Variants in ANTXR1 observed in about 807,000 individuals in gnomAD.
The protein encoded by ANTXR1 is ANTXR cell adhesion molecule 1.
ANTXR1 carries 19 observed loss-of-function variants against 78.1 expected under a neutral mutation model. The ratio of observed to expected loss-of-function variants is 0.24; its 90% CI spans 0.17 to 0.36. The LOEUF is 0.36. Ranked by LOEUF, ANTXR1 falls within the 10% of genes least tolerant of loss-of-function variation. ANTXR1 has a pLI of 1.00. For synonymous variants in ANTXR1, 273 were observed against 260.5 expected (o/e 1.05, Z -0.46); for missense variants, 518 against 718.6 (o/e 0.72, Z 3.19).
intron 17 of ANTXR1, among the ~76,000 whole-genome samples, chr2:69,244,058 C>T (rs192371263): frequency 8.5e-5 from 13 of 152,334 alleles, no homozygotes; most frequent in African/African-American, 2.9e-4. Flanking sequence ...GTCTCCCCTC[C>T]GTTGCAGAGC....
chr2:69,212,260 G>A (rs762355637), intron 17 of ANTXR1, among the ~76,000 whole-genome samples: 1 of 152,204 alleles, frequency 6.6e-6, no homozygotes, highest in African/African-American at 2.4e-5. Context: ...GAGAAAACCA[G>A]GGAGGTGACA....
intron 17 of ANTXR1, among the ~76,000 whole-genome samples, chr2:69,226,992 C>T (rs1394211783): frequency 2.0e-5 from 3 of 152,122 alleles, no homozygotes; most frequent in Non-Finnish European, 2.9e-5. Context: ...TGAAGCATTT[C>T]GTGCACCATG....
chr2:69,239,988 C>T (rs1448150949), intron 17 of ANTXR1, among the ~76,000 whole-genome samples: 2 of 152,240 alleles, frequency 1.3e-5, no homozygotes, highest in Non-Finnish European at 2.9e-5. Context: ...GTAACATTAA[C>T]CTTTCAAGTG....
chr2:69,104,225 C>T (rs1199351730), intron 10 of ANTXR1, among the ~76,000 whole-genome samples: 1 of 152,182 alleles, frequency 6.6e-6, no homozygotes, highest in Non-Finnish European at 1.5e-5. Flanking sequence ...AGGTGTGAGC[C>T]ACCACACCCA....
intron 3 of ANTXR1, among the ~76,000 whole-genome samples, chr2:69,046,948 T>C (rs1669786775): frequency 6.6e-6 from 1 of 152,150 alleles, no homozygotes; most frequent in South Asian, 2.1e-4. Context: ...TCAGCAAAAG[T>C]TTTGGGTAAA....
intron 12 of ANTXR1, among the ~76,000 whole-genome samples, 192 bp downstream of exon 12, chr2:69,124,835 C>G (rs910760223): frequency 6.6e-6 from 1 of 152,166 alleles, no homozygotes; most frequent in Non-Finnish European, 1.5e-5. Flanking sequence ...CAGAGTGTAT[C>G]AGGCATGTCT....
intron 8 of ANTXR1, among the ~76,000 whole-genome samples, chr2:69,083,134 A>G (rs768282874): frequency 3.9e-5 from 6 of 152,114 alleles, no homozygotes; most frequent in Admixed American, 3.3e-4. Context: ...GGCCCTAACA[A>G]AGCTGTGATA....
chr2:69,167,984 G>C (rs140324684), intron 13 of ANTXR1, among the ~76,000 whole-genome samples: 23 of 152,328 alleles, frequency 1.5e-4, no homozygotes, highest in African/African-American at 4.1e-4. Flanking sequence ...GTTGGTCTGA[G>C]TGTTGGGCCA....
In ANTXR1 at chr2:69,067,245, G is replaced by A. The variant is rs562870382; in HGVS notation, c.297-3402G>A. On this transcript the variant is annotated intron_variant, in intron 3 of 17. Transcript: ENST00000303714. ...CTCGCAACTAGTGAGTTCATATCTT[G>A]CCAGATACAAAGCATCAAGGATAAG... 9.3e-5 allele frequency among the ~76,000 whole-genome samples: 14 copies of A among 150,470 alleles called. 1 individual carries two copies. In the South Asian group the frequency reaches 2.3e-3, roughly 25 times the overall value.
chr2:69,074,879 G>A (rs1355195832), intron 6 of ANTXR1, among the ~76,000 whole-genome samples: 5 of 152,130 alleles, frequency 3.3e-5, no homozygotes, highest in African/African-American at 1.2e-4. Flanking sequence ...TGAAACACAG[G>A]AGAATCTGGA....
At chr2:69,218,223 G>A (rs2104507062) in intron 17 of ANTXR1, among the ~76,000 whole-genome samples, 1 of 152,232 alleles carries the variant, frequency 6.6e-6, no homozygotes, top group South Asian at 2.1e-4. Context: ...AAATTAAGCT[G>A]GCAAGATTCA....
intron 6 of ANTXR1, 71 bp from the exon 7 acceptor site, chr2:69,075,519 G>A: frequency 5.6e-6 from 8 of 1,436,036 alleles, no homozygotes; most frequent in Non-Finnish European, 7.9e-6. Flanking sequence ...ATTGAAGTTA[G>A]TCAGGTAGCT....
chr2:69,086,044 T>C (rs1022661180), intron 8 of ANTXR1, among the ~76,000 whole-genome samples: 2 of 152,166 alleles, frequency 1.3e-5, no homozygotes, highest in Non-Finnish European at 2.9e-5. Flanking sequence ...TTCTGAAATA[T>C]GTGTGAAAGC....
At chr2:69,234,436 T>C (rs1573995246) in intron 17 of ANTXR1, among the ~76,000 whole-genome samples, 1 of 152,210 alleles carries the variant, frequency 6.6e-6, no homozygotes, top group African/African-American at 2.4e-5. Context: ...TTCCAGATGA[T>C]AATAGTTAAC....
chr2:69,184,747 GTA>G (rs1212835172), intron 16 of ANTXR1, among the ~76,000 whole-genome samples: 2 of 152,192 alleles, frequency 1.3e-5, no homozygotes, highest in African/African-American at 4.8e-5. Flanking sequence ...CTTGGAATTA[GTA>G]TCAATTCAGT....
At chr2:69,019,976 A>T (rs1043429581) in intron 1 of ANTXR1, among the ~76,000 whole-genome samples, 1 of 152,354 alleles carries the variant, frequency 6.6e-6, no homozygotes, top group Non-Finnish European at 1.5e-5. Context: ...TGTCTAATTT[A>T]TCATTGATGT....
At chr2:69,207,873 T>C (rs1046005600) in intron 17 of ANTXR1, among the ~76,000 whole-genome samples, 2 of 152,174 alleles carry the variant, frequency 1.3e-5, no homozygotes, top group African/African-American at 2.4e-5. Flanking sequence ...AGTGGAGACA[T>C]AGTCAGGTGG....
intron 17 of ANTXR1, among the ~76,000 whole-genome samples, chr2:69,218,683 T>C (rs1345626689): frequency 6.6e-6 from 1 of 152,160 alleles, no homozygotes; most frequent in Non-Finnish European, 1.5e-5. Context: ...GCTTTAACAC[T>C]AACCAACTTG....
At chr2:69,220,707 T>C (rs1675297773) in intron 17 of ANTXR1, among the ~76,000 whole-genome samples, 1 of 152,272 alleles carries the variant, frequency 6.6e-6, no homozygotes, top group South Asian at 2.1e-4. Context: ...AATGAATTTA[T>C]GTAGCAAGTC....
Sources: gnomAD v4.1 joint callset for allele counts (sites outside exome capture counted in the v4.1 genomes callset) on GRCh38, gnomAD v4.1.1 for gene constraint, MANE v1.5 for transcripts, NCBI Gene and HGNC (gene_info 2026-07-23, HGNC 2026-07-21) for gene names.